GTPBP10: variants seen among roughly 807,000 people sequenced by gnomAD.
GTPBP10 encodes the protein GTP-binding protein 10.
Under a neutral mutation model 44.8 loss-of-function variants are expected in GTPBP10, and 38 were observed. The observed-to-expected ratio is 0.85, with a 90% CI of 0.65 to 1.11. The LOEUF is 1.11. GTPBP10 is among the 50% of genes most tolerant of loss of function. GTPBP10 has a pLI of 0.00. For missense variants in GTPBP10, 462 were observed against 453.7 expected (o/e 1.02, Z -0.17); for synonymous variants, 152 against 150.6 (o/e 1.01, Z -0.07).
intron 2 of GTPBP10, 111 bp downstream of exon 2, chr7:90,353,120 G>C: frequency 1.4e-6 from 1 of 695,386 alleles, no homozygotes. Context: ...ATTATTTCCT[G>C]TATTTATAAC....
Position 90,354,556 on chromosome 7 carries a change from G to A in GTPBP10, c.319+7G>A, listed in dbSNP as rs754391266. On this transcript the variant is annotated splice_region_variant and intron_variant, in intron 3 of 9. Transcript: ENST00000222511. ...GAAAATGGTAAAATTATAGGTGAGT[G>A]TACTATAACTCCAAAAGTTGTAAAA... 4.0e-5 allele frequency: 57 copies of A among 1,419,748 alleles called. 1 individual carries two copies. The South Asian group carries it at 6.0e-4, about 15-fold the overall frequency. The allele number at this position is 1,419,748 out of a possible 1,614,324, so 87.9% of individuals were successfully genotyped here.
chr7:90,354,375 T>C, intron 2 of GTPBP10, 83 bp from the exon 3 acceptor site: 1 of 594,282 alleles, frequency 1.7e-6, no homozygotes, highest in East Asian at 3.2e-5. Flanking sequence ...GCTACTCTTC[T>C]TTGTAAACCA....
Position 90,355,201 on chromosome 7 carries a change from A to G in GTPBP10, c.435A>G (p.Leu145=). Residue 145 remains leucine, a synonymous_variant, in exon 4 of 10, where the codon CTA becomes CTG. Transcript: ENST00000222511. The part of the protein sequence containing the change: ...KGQKRIIHLD[L]KLIADVGLVG... ...AGAAACGAATAATTCACCTTGATCT[A>G]AAACTTATAGCTGATGTAGGCCTAG... 1 of 1,601,288 alleles carries G rather than the reference A, an allele frequency of 6.2e-7. No individual in the cohort carries two copies. Among genetic ancestry groups the G allele is most frequent in the Non-Finnish European group, 8.5e-7 (1 of 1,173,160 alleles).
At chr7:90,378,748 C>T (rs1174985082) in intron 8 of GTPBP10, among the ~76,000 whole-genome samples, 1 of 152,064 alleles carries the variant, frequency 6.6e-6, no homozygotes, top group Non-Finnish European at 1.5e-5. Flanking sequence ...CTTGCTCTGT[C>T]TGCCAGGCTG....
intron 1 of GTPBP10, among the ~76,000 whole-genome samples, chr7:90,350,057 G>A (rs1795759299): frequency 6.6e-6 from 1 of 152,046 alleles, no homozygotes; most frequent in Non-Finnish European, 1.5e-5. Context: ...TTCTCCTAAT[G>A]TTATCTCTCA....
chr7:90,383,201 A>T, intron 9 of GTPBP10, 122 bp downstream of exon 9: 1 of 569,530 alleles, frequency 1.8e-6, no homozygotes, highest in Non-Finnish European at 2.8e-6. Flanking sequence ...AAGAAAGAAT[A>T]TACAAAACAT....
intron 6 of GTPBP10, among the ~76,000 whole-genome samples, chr7:90,375,955 G>C (rs1485491756): frequency 6.6e-6 from 1 of 151,990 alleles, no homozygotes; most frequent in South Asian, 2.1e-4. Context: ...GGCCGGGTGT[G>C]GTGGCTTACA....
At chr7:90,369,321 C>T (rs1796205146) in intron 4 of GTPBP10, among the ~76,000 whole-genome samples, 1 of 152,326 alleles carries the variant, frequency 6.6e-6, no homozygotes, top group African/African-American at 2.4e-5. Context: ...GAACGACTCT[C>T]TCTTCAGAGC....
chr7:90,363,635 A>G (rs948704776), intron 4 of GTPBP10, among the ~76,000 whole-genome samples: 6 of 152,112 alleles, frequency 3.9e-5, no homozygotes, highest in Non-Finnish European at 5.9e-5. Context: ...TTTTTGAAGA[A>G]TACCTTTGTG....
At chr7:90,350,740 C>T (rs1795775750) in intron 1 of GTPBP10, among the ~76,000 whole-genome samples, 1 of 152,190 alleles carries the variant, frequency 6.6e-6, no homozygotes, top group Non-Finnish European at 1.5e-5. Context: ...GCTGCAGTGG[C>T]TTCATGAATT....
intron 5 of GTPBP10, among the ~76,000 whole-genome samples, chr7:90,373,143 A>T (rs1796289401): frequency 6.6e-6 from 1 of 152,158 alleles, no homozygotes; most frequent in African/African-American, 2.4e-5. Context: ...TCTAGAGAAC[A>T]TGAAATAAGG....
rs1177103752 is a variant in GTPBP10, at chr7:90,352,718, CT to C, written c.34-92del. ...TTGGCATGTGAAAAGCTATTAACGACTTTTTTAGAAGAAGTTTTAGTGGAAG... is the reference window on the plus strand; with the variant it reads ...TTGGCATGTGAAAAGCTATTAACGACTTTTTAGAAGAAGTTTTAGTGGAAG... On this transcript the variant is annotated intron_variant, in intron 1 of 9. Transcript: ENST00000222511. 8.5e-6 allele frequency: 8 copies of C among 943,950 alleles called. No homozygotes were observed. The African/African-American group carries it at 1.3e-4, about 16-fold the overall frequency. 58.5% of individuals were successfully genotyped at this position (943,950 alleles called of 1,614,324 possible).
intron 9 of GTPBP10, chr7:90,383,668 G>A (rs964934008): frequency 4.6e-5 from 7 of 152,138 alleles, no homozygotes; most frequent in Non-Finnish European, 1.0e-4. Context: ...AACTTAAAGG[G>A]ATTCTCCACA....
chr7:90,378,274 G>A, intron 8 of GTPBP10, 63 bp downstream of exon 8: 1 of 1,515,104 alleles, frequency 6.6e-7, no homozygotes, highest in South Asian at 1.2e-5. Flanking sequence ...AAGACTATAT[G>A]AAATAACATA....
chr7:90,357,296 A>G (rs1795922418), intron 4 of GTPBP10, among the ~76,000 whole-genome samples: 1 of 152,176 alleles, frequency 6.6e-6, no homozygotes, highest in Admixed American at 6.5e-5. Flanking sequence ...GTGCTCAATC[A>G]TTATGAAAAT....
At chr7:90,382,296 TG>T (rs1368490492) in intron 8 of GTPBP10, among the ~76,000 whole-genome samples, 4 of 152,198 alleles carry the variant, frequency 2.6e-5, no homozygotes, top group Non-Finnish European at 4.4e-5. Flanking sequence ...ACTAAAATTT[TG>T]TATAGAGATG....
At chr7:90,375,864 G>C (rs148197328) in intron 6 of GTPBP10, among the ~76,000 whole-genome samples, 201 of 152,158 alleles carry the variant, frequency 1.3e-3, no homozygotes, top group African/African-American at 4.6e-3. Context: ...TAAATCTCTT[G>C]GGGGTAGGGC....
At position 90,355,926 on chromosome 7, in the gene GTPBP10, A is replaced by G. The variant is rs149398435; in HGVS notation, c.464+696A>G. On this transcript the variant is annotated intron_variant, in intron 4 of 9. Transcript: ENST00000222511. ...ATACAGAATACATAAAGGAAGAGAA[A>G]ACTTCAATTTGCATTTGCTCTCTCT... Among the ~76,000 whole-genome samples the G allele has an allele frequency of 5.3e-5, 8 of 152,238 alleles. No individual in the cohort carries two copies. In the East Asian group the frequency reaches 1.2e-3, roughly 22 times the overall value.
intron 6 of GTPBP10, 49 bp downstream of exon 6, chr7:90,374,403 G>A: frequency 5.2e-6 from 6 of 1,156,836 alleles, no homozygotes; most frequent in South Asian, 3.8e-5. Flanking sequence ...AAAGTACTTG[G>A]TTTTGGTACG....
Sources: allele counts gnomAD v4.1 joint callset (sites outside exome capture counted in the v4.1 genomes callset), GRCh38; gene constraint gnomAD v4.1.1; transcripts MANE v1.5; gene names NCBI Gene and HGNC (gene_info 2026-07-23, HGNC 2026-07-21).